LPP: variants seen among roughly 807,000 people sequenced by gnomAD.
LPP encodes the protein LIM domain containing preferred translocation partner in lipoma.
Under a neutral mutation model 60.4 loss-of-function variants are expected in LPP, and 38 were observed. The ratio of observed to expected loss-of-function variants is 0.63; its 90% CI spans 0.49 to 0.83. LPP has a LOEUF of 0.83. Among genes scored for constraint, LPP ranks in the 40% least tolerant of loss-of-function variants. The pLI, the probability that LPP is intolerant of heterozygous loss-of-function variation, is 0.00. For missense variants in LPP, 902 were observed against 783.6 expected (o/e 1.15, Z -1.80); for synonymous variants, 328 against 290.8 (o/e 1.13, Z -1.30).
At chr3:188,626,764 A>G (rs1197465990) in intron 7 of LPP, among the ~76,000 whole-genome samples, 1 of 152,140 alleles carries the variant, frequency 6.6e-6, no homozygotes, top group African/African-American at 2.4e-5. Context: ...TACAGTCACA[A>G]TCTGATATAC....
chr3:188,171,415 G>A (rs1174586349), intron 1 of LPP, among the ~76,000 whole-genome samples: 2 of 152,162 alleles, frequency 1.3e-5, no homozygotes, highest in African/African-American at 2.4e-5. Context: ...CCTCAATGCT[G>A]TAAATCTTCC....
chr3:188,801,140 C>T (rs912939756), intron 9 of LPP, among the ~76,000 whole-genome samples: 28 of 152,052 alleles, frequency 1.8e-4, no homozygotes, highest in African/African-American at 5.6e-4. Context: ...CAAAGGTTCC[C>T]GGGGCTAAAC....
At chr3:188,581,404 T>C (rs1299442940) in intron 6 of LPP, among the ~76,000 whole-genome samples, 1 of 152,184 alleles carries the variant, frequency 6.6e-6, no homozygotes, top group Admixed American at 6.5e-5. Context: ...TCTTTTGTAT[T>C]AGTTTTAAAT....
chr3:188,599,751 G>GTGTGTGTGTGTGT (rs1553938530), intron 6 of LPP, among the ~76,000 whole-genome samples: 2 of 139,828 alleles, frequency 1.4e-5, no homozygotes, highest in Admixed American at 1.4e-4. Flanking sequence ...ACTCGTTAGG[G>GTGTGTGTGTGTGT]GTGTGTGTGT....
At chr3:188,629,245 T>G (rs1270541566) in intron 7 of LPP, among the ~76,000 whole-genome samples, 1 of 151,416 alleles carries the variant, frequency 6.6e-6, no homozygotes, top group Non-Finnish European at 1.5e-5. Flanking sequence ...TACTGGAAAT[T>G]CTAGAGCTCC....
intron 8 of LPP, among the ~76,000 whole-genome samples, chr3:188,721,569 A>G (rs1415718623): frequency 6.6e-6 from 1 of 152,106 alleles, no homozygotes; most frequent in Non-Finnish European, 1.5e-5. Flanking sequence ...AACAAAACAA[A>G]ACAAAAAACA....
chr3:188,154,188 G>C lies in LPP; in HGVS notation c.-254G>C, dbSNP rs954314591. On this transcript the variant is annotated 5_prime_UTR_variant, in exon 1 of 12. Transcript: ENST00000617246. ...TCCTCTGCCTCTGCCTCCGCCTCCAGCCGCCGCCGCCGCCGCCGCCGCCGC... is the reference window on the plus strand; with the variant it reads ...TCCTCTGCCTCTGCCTCCGCCTCCACCCGCCGCCGCCGCCGCCGCCGCCGC... The C allele has an allele frequency of 7.3e-6, 1 of 136,332 alleles. No individual in the cohort carries two copies. The highest frequency in any genetic ancestry group is 3.7e-5 in the African/African-American group (1 of 27,084). The allele number at this position is 136,332 out of a possible 1,614,324, so 8.4% of individuals were successfully genotyped here.
At chr3:188,782,301 T>C (rs1286260401) in intron 9 of LPP, among the ~76,000 whole-genome samples, 1 of 152,198 alleles carries the variant, frequency 6.6e-6, no homozygotes. Flanking sequence ...GTCTCAGGCA[T>C]CATGTACCTG....
At chr3:188,518,591 G>C (rs1818039165) in intron 5 of LPP, among the ~76,000 whole-genome samples, 1 of 152,132 alleles carries the variant, frequency 6.6e-6, no homozygotes, top group African/African-American at 2.4e-5. Context: ...GGATTATGTG[G>C]TTACTTTCTC....
chr3:188,524,878 CCCTTCCTTCCTT>C, intron 6 of LPP, 91 bp downstream of exon 6: 2 of 634,128 alleles, frequency 3.2e-6, no homozygotes, highest in South Asian at 5.1e-5. Context: ...AGCTTATTTC[CCCTTCCTTCCTT>C]CCGTCCGTCC....
At chr3:188,773,932 A>C (rs1439886914) in intron 9 of LPP, among the ~76,000 whole-genome samples, 1 of 152,160 alleles carries the variant, frequency 6.6e-6, no homozygotes, top group Non-Finnish European at 1.5e-5. Context: ...CATTCGGTAG[A>C]TCTCACTTTC....
chr3:188,822,429 G>A (rs370333432), intron 9 of LPP, among the ~76,000 whole-genome samples: 1 of 152,094 alleles, frequency 6.6e-6, no homozygotes, highest in Non-Finnish European at 1.5e-5. Flanking sequence ...TGAAATTCCA[G>A]TGTGATTTGG....
At position 188,882,973 on chromosome 3, in the gene LPP, C is replaced by G. The variant is rs1478775112; in HGVS notation, c.*8494C>G. On this transcript the variant is annotated 3_prime_UTR_variant, in exon 12 of 12. Transcript: ENST00000617246. ...TCGATCTCCTGACCTCGTGATCCGCCCGCCTCGGCCTCCCAAAGTGCCAAT... is the reference window on the plus strand; with the variant it reads ...TCGATCTCCTGACCTCGTGATCCGCGCGCCTCGGCCTCCCAAAGTGCCAAT... 2 of 188,040 alleles carry G rather than the reference C, an allele frequency of 1.1e-5. No homozygotes were observed. Among genetic ancestry groups the G allele is most frequent in the Non-Finnish European group, 2.2e-5 (2 of 89,358 alleles). The allele number at this position is 188,040 out of a possible 1,614,324, so 11.6% of individuals were successfully genotyped here.
chr3:188,755,797 G>A (rs1385597662), intron 8 of LPP, among the ~76,000 whole-genome samples: 2 of 76,378 alleles, frequency 2.6e-5, no homozygotes, highest in Non-Finnish European at 4.6e-5. Context: ...GCAACAGAGT[G>A]AGATCCTGTC....
At chr3:188,395,004 A>G (rs1469970666) in intron 3 of LPP, among the ~76,000 whole-genome samples, 5 of 152,194 alleles carry the variant, frequency 3.3e-5, no homozygotes, top group South Asian at 2.1e-4. Flanking sequence ...CTGAGAAATA[A>G]TTTCTCTAGG....
intron 9 of LPP, among the ~76,000 whole-genome samples, chr3:188,773,233 T>C (rs1736660851): frequency 6.6e-6 from 1 of 152,248 alleles, no homozygotes; most frequent in East Asian, 1.9e-4. Context: ...CCTGGATCTT[T>C]TTTTTGCTCT....
chr3:188,398,688 C>A (rs1179198208), intron 3 of LPP, among the ~76,000 whole-genome samples: 3 of 152,242 alleles, frequency 2.0e-5, no homozygotes, highest in Non-Finnish European at 4.4e-5. Flanking sequence ...TTTCAGCCTG[C>A]CTTATTCTTC....
chr3:188,497,728 GA>G (rs1382167435), intron 5 of LPP, among the ~76,000 whole-genome samples: 4 of 152,140 alleles, frequency 2.6e-5, no homozygotes, highest in Non-Finnish European at 5.9e-5. Context: ...TGCATGTTCA[GA>G]AGACTTCATC....
Position 188,564,632 on chromosome 3 carries a change from C to T in LPP, c.429+39845C>T, listed in dbSNP as rs372856331. ...AACCAAGATGTGCTTAAAGTTACCT[C>T]AGATGACTTTAGATGATGGGAATTT... On this transcript the variant is annotated intron_variant, in intron 6 of 11. Transcript: ENST00000617246. Among the ~76,000 whole-genome samples, 20 of 151,978 alleles carry T rather than the reference C, an allele frequency of 1.3e-4. No individual in the cohort carries two copies. In the East Asian group the frequency reaches 1.8e-3, roughly 13 times the overall value.
Sources: gnomAD v4.1 joint callset for allele counts (sites outside exome capture counted in the v4.1 genomes callset) on GRCh38, gnomAD v4.1.1 for gene constraint, MANE v1.5 for transcripts, NCBI Gene and HGNC (gene_info 2026-07-23, HGNC 2026-07-21) for gene names.